Variants in HIVEP3 observed in about 807,000 individuals in gnomAD.
HIVEP3 encodes HIVEP zinc finger 3, also known as transcription factor HIVEP3.
Under a neutral mutation model 152.8 loss-of-function variants are expected in HIVEP3, and 49 were observed. The observed-to-expected ratio is 0.32, with a 90% confidence interval of 0.26 to 0.41. The LOEUF is 0.41. Ranked by LOEUF, HIVEP3 falls within the 10% of genes least tolerant of loss-of-function variation. The pLI is 1.00. For missense variants in HIVEP3, 2,790 were observed against 3,103.3 expected, an observed-to-expected ratio of 0.90 and a Z score of 2.40; for synonymous variants, 1,269 against 1,289.0, an observed-to-expected ratio of 0.98 and a Z score of 0.33.
At chr1:41,888,194 C>T (rs896558128) in intron 1 of HIVEP3, among the ~76,000 whole-genome samples, 5 of 146,884 alleles carry the variant, frequency 3.4e-5, no homozygotes, top group East Asian at 2.0e-4. Flanking sequence ...CACCACCACG[C>T]CCGGCTAATT....
At chr1:41,652,662 G>A (rs1254284409) in intron 2 of HIVEP3, among the ~76,000 whole-genome samples, 1 of 152,154 alleles carries the variant, frequency 6.6e-6, no homozygotes, top group East Asian at 1.9e-4. Context: ...AAATCAGAGG[G>A]TGTCCCCACC....
At chr1:41,523,715 C>T (rs558304701) in intron 6 of HIVEP3, among the ~76,000 whole-genome samples, 23 of 152,322 alleles carry the variant, frequency 1.5e-4, no homozygotes, top group African/African-American at 5.5e-4. Flanking sequence ...GAAAGGTCAA[C>T]AGGTGGCACA....
At chr1:41,902,329 G>A (rs182201357) in intron 1 of HIVEP3, among the ~76,000 whole-genome samples, 12 of 152,206 alleles carry the variant, frequency 7.9e-5, no homozygotes, top group East Asian at 3.9e-4. Context: ...CAGAGTGGTC[G>A]GTAGGAGAGT....
At chr1:41,751,321 C>A (rs927359724) in intron 1 of HIVEP3, among the ~76,000 whole-genome samples, 1 of 57,624 alleles carries the variant, frequency 1.7e-5, no homozygotes, top group African/African-American at 5.5e-5. Context: ...GAAACTGACA[C>A]ACATTTTTTT....
At chr1:41,589,068 A>G (rs115957128) in intron 3 of HIVEP3, among the ~76,000 whole-genome samples, 3,554 of 152,276 alleles carry the variant, frequency 0.023, 140 homozygotes, top group African/African-American at 0.082. Context: ...GTTCTTTTCT[A>G]CCTTCTGTGG....
chr1:41,903,992 G>C (rs1557505562), intron 1 of HIVEP3, among the ~76,000 whole-genome samples: 1 of 151,378 alleles, frequency 6.6e-6, no homozygotes, highest in Non-Finnish European at 1.5e-5. Context: ...CACCTCCTGG[G>C]TTCAAGTGAC....
intron 1 of HIVEP3, among the ~76,000 whole-genome samples, chr1:41,736,911 C>T (rs1646927327): frequency 6.6e-6 from 1 of 152,250 alleles, no homozygotes; most frequent in East Asian, 1.9e-4. Context: ...GAAGCTGACA[C>T]GGTTGGCCAG....
chr1:41,559,378 C>T (rs2984690), intron 5 of HIVEP3, among the ~76,000 whole-genome samples: 150,854 of 152,322 alleles, frequency 0.99, 74,714 homozygotes, highest in East Asian at 1. Flanking sequence ...TGCAACCCAA[C>T]GTCCATTTCC....
At chr1:41,943,387 T>C (rs182211181) in intron 1 of HIVEP3, among the ~76,000 whole-genome samples, 4 of 152,340 alleles carry the variant, frequency 2.6e-5, no homozygotes, top group African/African-American at 9.6e-5. Flanking sequence ...TTTTGCATAA[T>C]TTTAAAAAAT....
chr1:41,804,439 T>C lies in HIVEP3; in HGVS notation c.-800-103444A>G, dbSNP rs529542365. On this transcript the variant is annotated intron_variant, in intron 1 of 8. Coordinates refer to ENST00000372583, the MANE Select transcript of HIVEP3 (RefSeq NM_024503.5). Reference sequence around the variant, plus strand: ...CAAACCTGCCAGATAAGGCTGGCTGTGCCCATTTTACAGCTGAAGCAACTG... The same window carrying C: ...CAAACCTGCCAGATAAGGCTGGCTGCGCCCATTTTACAGCTGAAGCAACTG... Among the ~76,000 whole-genome samples, 10 of 152,380 alleles carry C rather than the reference T, an allele frequency of 6.6e-5. No homozygotes were observed. The South Asian group carries it at 2.1e-3, about 32-fold the overall frequency.
intron 1 of HIVEP3, among the ~76,000 whole-genome samples, chr1:41,747,862 A>T (rs1230549828): frequency 6.6e-6 from 1 of 152,218 alleles, no homozygotes; most frequent in Middle Eastern, 3.2e-3. Flanking sequence ...AATTAAGAAC[A>T]TGGATCAAAA....
chr1:41,576,867 C>T (rs931433797), intron 4 of HIVEP3, among the ~76,000 whole-genome samples: 3 of 152,214 alleles, frequency 2.0e-5, no homozygotes, highest in African/African-American at 7.2e-5. Context: ...TTCTGTGACT[C>T]AGTGACCACC....
At chr1:41,865,377 C>G (rs958474617) in intron 1 of HIVEP3, among the ~76,000 whole-genome samples, 1 of 152,226 alleles carries the variant, frequency 6.6e-6, no homozygotes, top group Non-Finnish European at 1.5e-5. Context: ...GCAGGGGCAG[C>G]TGGGGCTGAA....
intron 1 of HIVEP3, among the ~76,000 whole-genome samples, chr1:41,771,558 T>C (rs959022900): frequency 2.0e-5 from 3 of 152,164 alleles, no homozygotes. Context: ...TGCCGCTGGC[T>C]GCTTTGTGGT....
chr1:41,713,450 G>A (rs1646544564), intron 1 of HIVEP3, among the ~76,000 whole-genome samples: 1 of 152,176 alleles, frequency 6.6e-6, no homozygotes, highest in South Asian at 2.1e-4. Flanking sequence ...GGAGAATAAT[G>A]GGGCATGTAG....
intron 5 of HIVEP3, among the ~76,000 whole-genome samples, chr1:41,544,705 C>CCAT (rs1643632639): frequency 6.9e-6 from 1 of 145,726 alleles, no homozygotes; most frequent in Non-Finnish European, 1.5e-5. Context: ...ACCATCACCA[C>CCAT]CACCACTACC....
At chr1:41,806,006 A>G (rs978418593) in intron 1 of HIVEP3, among the ~76,000 whole-genome samples, 3 of 152,200 alleles carry the variant, frequency 2.0e-5, no homozygotes, top group South Asian at 2.1e-4. Context: ...CAGTAAGCAC[A>G]GGTTGAGTAA....
chr1:41,643,794 C>T (rs905596616), intron 2 of HIVEP3, among the ~76,000 whole-genome samples: 2 of 152,070 alleles, frequency 1.3e-5, no homozygotes, highest in Non-Finnish European at 2.9e-5. Context: ...GGCGTTCCAC[C>T]TCTGGTCGCT....
rs571551420 is a variant in HIVEP3 at position 41,582,337 on chromosome 1, C to G, written c.2461G>C (p.Glu821Gln). Residue 821 changes from glutamate (E) to glutamine (Q), a missense_variant, in exon 4 of 9, where the codon GAA becomes CAA. Glu to Gln is a conservative substitution (Grantham distance 29). Transcript: ENST00000372583. This position sits in a 1 kb window ranked among gnomAD's most constrained non-coding sequence, Gnocchi z 4.7. ...GGGAACTGGGCCAGAGGTTTGTCTTCCCCTTCCAAGCCACTCGGCTGCTCG... is the reference window on the plus strand; with the variant it reads ...GGGAACTGGGCCAGAGGTTTGTCTTGCCCTTCCAAGCCACTCGGCTGCTCG... ...SLEQPSGLEGEDKPLAQFPSP... is the reference protein window; with the variant it reads ...SLEQPSGLEGQDKPLAQFPSP... 1 of 1,614,082 alleles carries G rather than the reference C, an allele frequency of 6.2e-7. No individual in the cohort carries two copies. The highest frequency in any genetic ancestry group is 1.3e-5 in the African/African-American group (1 of 75,036).
Sources: allele counts gnomAD v4.1 joint callset (sites outside exome capture counted in the v4.1 genomes callset), GRCh38; gene constraint gnomAD v4.1.1; non-coding constraint Gnocchi (gnomAD v3.1); transcripts MANE v1.5; gene names NCBI Gene and HGNC (gene_info 2026-07-23, HGNC 2026-07-21).